The following TMEM94 variants were observed in gnomAD, a reference collection of about 807,000 sequenced individuals.
TMEM94 encodes transmembrane protein 94.
Under a neutral mutation model 158.6 loss-of-function variants are expected in TMEM94, and 81 were observed. The observed-to-expected ratio is 0.51, with a 90% CI of 0.43 to 0.61. The LOEUF (loss-of-function observed/expected upper bound fraction) is 0.61. TMEM94 is among the 20% of genes least tolerant of loss of function. The pLI is 0.00. For synonymous variants in TMEM94, 751 were observed against 730.7 expected, an observed-to-expected ratio of 1.03 and a Z score of -0.45; for missense variants, 1,435 against 1,762.0, an observed-to-expected ratio of 0.81 and a Z score of 3.32.
chr17:75,492,842 GC>G lies in TMEM94; in HGVS notation c.1912+56del. 6.3e-7 allele frequency: 1 copy of G among 1,584,056 alleles called. No individual in the cohort carries two copies. On this transcript the variant is annotated intron_variant, in intron 15 of 31. Transcript: ENST00000314256. The surrounding 1 kb of genome is among the most constrained non-coding windows in gnomAD (Gnocchi z 4.4). ...TGGCTGGACCCGCCTCCTAGAAGAG[GC>G]CCAGTACCAACTCCTCACGGGACTT...
rs2052458343 is a variant in TMEM94 at position 75,494,019 on chromosome 17, G to T, written c.2407+103G>T. 9.0e-6 allele frequency: 10 copies of T among 1,109,170 alleles called. No individual in the cohort carries two copies. In the South Asian group the frequency reaches 1.5e-4, roughly 16 times the overall value. The allele number at this position is 1,109,170 out of a possible 1,614,324, so 68.7% of individuals were successfully genotyped here. On this transcript the variant is annotated intron_variant, in intron 18 of 31. Transcript: ENST00000314256. ...CTGGAGGGCCCCGGCACCCCCCACA[G>T]CAAAGGGGGCAGTGGCCACAGCCCC...
chr17:75,497,802 C>T lies in TMEM94; in HGVS notation c.3429C>T (p.Pro1143=), dbSNP rs376727404. 1.7e-5 allele frequency: 27 copies of T among 1,613,766 alleles called. No individual in the cohort carries two copies. Among genetic ancestry groups the T allele is most frequent in the Non-Finnish European group, 2.2e-5 (26 of 1,179,904 alleles). The change falls in exon 27 of 32, where the codon CCC becomes CCT. Residue 1143 remains proline (P), a synonymous_variant. Transcript: ENST00000314256. ...PLLSISLLGK[P]PHSSIMSMAT... The stretch of plus-strand genomic sequence containing the variant: ...TCAGCATCTCTCTGCTGGGGAAGCC[C>T]CCCCATAGCTCCATCATGTCTATGG...
At position 75,492,894 on chromosome 17, in the gene TMEM94, G is replaced by A. The variant is rs201635558; in HGVS notation, c.1913-35G>A. On this transcript the variant is annotated intron_variant, in intron 15 of 31. Transcript: ENST00000314256. This position sits in a 1 kb window ranked among gnomAD's most constrained non-coding sequence, Gnocchi z 4.4. ...AATGGACCTGGCAGGGTATTGCCAG[G>A]GCATGGCCCTAAGTTCCTGTTCCCC... is the stretch of plus-strand genomic sequence containing the variant. 44 of 1,596,706 alleles carry A rather than the reference G, an allele frequency of 2.8e-5. 2 individuals are homozygous for A. In the Admixed American group the frequency reaches 3.9e-4, roughly 14 times the overall value.
chr17:75,496,558 G>C (rs1010715764), intron 24 of TMEM94, 87 bp downstream of exon 24: 26 of 1,483,960 alleles, frequency 1.8e-5, no homozygotes, highest in Non-Finnish European at 2.3e-5. Flanking sequence ...GTTTGAACCC[G>C]GGGACCTCAT....
At chr17:75,497,692 C>T (rs1177845386) in intron 26 of TMEM94, 89 bp from the exon 27 acceptor site, 26 of 1,041,078 alleles carry the variant, frequency 2.5e-5, no homozygotes, top group African/African-American at 2.2e-4. Flanking sequence ...CTCGACCTCA[C>T]GCGCAAGACT....
chr17:75,466,810 A>G (rs2050322019), intron 1 of TMEM94, among the ~76,000 whole-genome samples: 1 of 144,632 alleles, frequency 6.9e-6, no homozygotes, highest in South Asian at 2.1e-4. Flanking sequence ...AGGAGTGGGA[A>G]AAAAAAAATT....
intron 2 of TMEM94, among the ~76,000 whole-genome samples, chr17:75,481,916 C>G (rs1287940450): frequency 6.6e-6 from 1 of 152,200 alleles, no homozygotes; most frequent in Admixed American, 6.5e-5. Context: ...TTCTTTGTCC[C>G]AGGGCCTCAG....
At chr17:75,467,268 C>T (rs1308920845) in intron 1 of TMEM94, among the ~76,000 whole-genome samples, 1 of 151,890 alleles carries the variant, frequency 6.6e-6, no homozygotes, top group Admixed American at 6.6e-5. Flanking sequence ...AGCCACCGTA[C>T]CCAGCCATGC....
At position 75,471,433 on chromosome 17, in the gene TMEM94, T is replaced by C. The variant is rs551044066; in HGVS notation, c.-106-367T>C. Among the ~76,000 whole-genome samples, 13 of 152,096 alleles carry C rather than the reference T, an allele frequency of 8.5e-5. No homozygotes were observed. In the East Asian group the frequency reaches 1.9e-3, roughly 23 times the overall value. ...TCTGTCTGATGGTCAGTGAGTTCAG[T>C]ACTTTTCCGCGTACCATACTGTGGT... On this transcript the variant is annotated intron_variant, in intron 1 of 31. Coordinates refer to ENST00000314256, the MANE Select transcript of TMEM94 (RefSeq NM_014738.6).
chr17:75,461,540 C>A (rs2050068804), intron 1 of TMEM94, among the ~76,000 whole-genome samples: 1 of 152,078 alleles, frequency 6.6e-6, no homozygotes, highest in Non-Finnish European at 1.5e-5. Context: ...AAAAATTCTT[C>A]CTGCTCCCAA....
chr17:75,490,563 T>TG, intron 10 of TMEM94, 139 bp from the exon 11 acceptor site: 1 of 882,094 alleles, frequency 1.1e-6, no homozygotes. Context: ...TTCCACCAGG[T>TG]GGGGAGTCAG....
intron 6 of TMEM94, 134 bp from the exon 7 acceptor site, chr17:75,488,625 G>A: frequency 9.9e-7 from 1 of 1,011,950 alleles, no homozygotes; most frequent in Non-Finnish European, 1.5e-6. Flanking sequence ...AGTCCCACAG[G>A]CCCTGTCCCA....
Position 75,499,508 on chromosome 17 carries a change from T to C in TMEM94, c.*174T>C. ...TGTCTTCCTGAGCCCTGGGGCTCACTGTGGAGGAGCTGACGGCCTGGGCCC... is the reference window on the plus strand; with the variant it reads ...TGTCTTCCTGAGCCCTGGGGCTCACCGTGGAGGAGCTGACGGCCTGGGCCC... On this transcript the variant is annotated 3_prime_UTR_variant, in exon 32 of 32. Transcript: ENST00000314256. The C allele has an allele frequency of 1.6e-6, 1 of 641,680 alleles. No homozygotes were observed. Among genetic ancestry groups the C allele is most frequent in the Non-Finnish European group, 2.7e-6 (1 of 370,262 alleles). 39.7% of individuals were successfully genotyped at this position (641,680 alleles called of 1,614,324 possible). A position where few individuals can be genotyped will look rare whatever the true frequency, so the allele number is the denominator to read the frequency against.
chr17:75,490,332 G>A lies in TMEM94; in HGVS notation c.1053G>A (p.Lys351=). The A allele has an allele frequency of 6.2e-7, 1 of 1,613,736 alleles. No homozygotes were observed. Among genetic ancestry groups the A allele is most frequent in the Non-Finnish European group, 8.5e-7 (1 of 1,179,942 alleles). ...CCCGTGTCCTGGCCCAGATGAGCAAGGCCTCACCCAGCTCCCTGGTAGGTT... is the reference window on the plus strand; with the variant it reads ...CCCGTGTCCTGGCCCAGATGAGCAAAGCCTCACCCAGCTCCCTGGTAGGTT... The part of the protein sequence containing the change: ...GEARVLAQMS[K]ASPSSLLAKF... Residue 351 remains lysine, a synonymous_variant, in exon 10 of 32, where the codon AAG becomes AAA. Coordinates refer to ENST00000314256, the MANE Select transcript of TMEM94 (RefSeq NM_014738.6).
intron 1 of TMEM94, among the ~76,000 whole-genome samples, chr17:75,467,236 A>G (rs2050337080): frequency 6.6e-6 from 1 of 152,024 alleles, no homozygotes; most frequent in Non-Finnish European, 1.5e-5. Context: ...CAGCCTCCCA[A>G]AGTGCTGGGG....
chr17:75,493,572 A>C lies in TMEM94; in HGVS notation c.2168A>C (p.Tyr723Ser). 6.2e-7 allele frequency: 1 copy of C among 1,613,818 alleles called. No homozygotes were observed. The highest frequency in any genetic ancestry group is 1.3e-5 in the African/African-American group (1 of 74,954). Residue 723 changes from tyrosine (Y) to serine (S), a missense_variant, in exon 17 of 32, where the codon TAC becomes TCC. Transcript: ENST00000314256. ...CTDFWDGADI[Y>S]PLSGSDRKKV... ...GACTTCTGGGACGGAGCTGACATCT[A>C]CCCTCTCTCGGGATCTGACAGGTGG...
At chr17:75,482,536 G>A (rs1284914300) in intron 2 of TMEM94, among the ~76,000 whole-genome samples, 1 of 110,528 alleles carries the variant, frequency 9.0e-6, no homozygotes, top group African/African-American at 8.8e-5. Context: ...ATGTATGTAT[G>A]TATGTATGTA....
At chr17:75,496,585 C>T (rs2052709920) in intron 24 of TMEM94, 114 bp downstream of exon 24, 11 of 1,397,550 alleles carry the variant, frequency 7.9e-6, no homozygotes, top group South Asian at 3.8e-5. Flanking sequence ...GCCCTCCGAG[C>T]GGGCTCTCCC....
Position 75,457,803 on chromosome 17 carries a change from A to G in TMEM94, c.-107+1052A>G, listed in dbSNP as rs181086069. 1.3e-4 allele frequency: 20 copies of G among 152,292 alleles called. No individual in the cohort carries two copies. The East Asian group carries it at 3.1e-3, about 23-fold the overall frequency. The allele number at this position is 152,292 out of a possible 1,614,324, so 9.4% of individuals were successfully genotyped here. On this transcript the variant is annotated intron_variant, in intron 1 of 31. Coordinates refer to ENST00000314256, the MANE Select transcript of TMEM94 (RefSeq NM_014738.6). The stretch of plus-strand genomic sequence containing the variant: ...GCAAGGCCAGGGTCACCTAGAGCCA[A>G]ACTAGAATCCGAAAGTCCAGGGGCT...
Sources: allele counts gnomAD v4.1 joint callset (sites outside exome capture counted in the v4.1 genomes callset), GRCh38; gene constraint gnomAD v4.1.1; non-coding constraint Gnocchi (gnomAD v3.1); transcripts MANE v1.5; gene names NCBI Gene and HGNC (gene_info 2026-07-23, HGNC 2026-07-21).